SFI1: variants seen among roughly 807,000 people sequenced by gnomAD.
SFI1 encodes the protein protein SFI1 homolog.
Under a neutral mutation model 207.5 loss-of-function variants are expected in SFI1, and 195 were observed. The observed-to-expected ratio is 0.94, with a 90% CI of 0.84 to 1.06. The LOEUF (loss-of-function observed/expected upper bound fraction) is 1.06. Ranked by LOEUF, SFI1 falls within the 50% of genes least tolerant of loss-of-function variation. The pLI, the probability that SFI1 is intolerant of heterozygous loss-of-function variation, is 0.00. For missense variants in SFI1, 1,634 were observed against 1,588.0 expected (o/e 1.03, Z -0.49); for synonymous variants, 630 against 598.9 (o/e 1.05, Z -0.76).
At chr22:31,574,007 A>C (rs905655333) in intron 9 of SFI1, among the ~76,000 whole-genome samples, 4 of 152,338 alleles carry the variant, frequency 2.6e-5, no homozygotes, top group Admixed American at 2.0e-4. Context: ...ATGCAAATGC[A>C]TGTGATTTTG....
At chr22:31,518,984 C>A (rs976789216) in intron 2 of SFI1, among the ~76,000 whole-genome samples, 2 of 152,106 alleles carry the variant, frequency 1.3e-5, no homozygotes, top group Non-Finnish European at 2.9e-5. Context: ...TGGAAGCTTG[C>A]GCTTGATTTC....
At chr22:31,608,109 A>C (rs935837835) in intron 22 of SFI1, 76 bp downstream of exon 22, 2 of 1,197,264 alleles carry the variant, frequency 1.7e-6, no homozygotes, top group Admixed American at 3.6e-5. Context: ...TGTGGCCCGC[A>C]TAAGTCTGTC....
intron 14 of SFI1, 29 bp from the exon 15 acceptor site, chr22:31,589,418 T>G: frequency 6.4e-7 from 1 of 1,563,454 alleles, no homozygotes; most frequent in African/African-American, 1.4e-5. Flanking sequence ...AAAAGTTAAG[T>G]ACAAAGGTTA....
At chr22:31,606,590 CAT>C (rs2069018048) in intron 21 of SFI1, 160 bp downstream of exon 21, 2 of 548,182 alleles carry the variant, frequency 3.6e-6, no homozygotes, top group South Asian at 4.8e-5. Context: ...CATGTGGGCA[CAT>C]GTTTAGTTTT....
At chr22:31,585,944 C>T (rs569718696) in intron 14 of SFI1, among the ~76,000 whole-genome samples, 1 of 152,236 alleles carries the variant, frequency 6.6e-6, no homozygotes, top group East Asian at 1.9e-4. Context: ...CCACCCTACC[C>T]GTACCTCCAT....
intron 2 of SFI1, among the ~76,000 whole-genome samples, chr22:31,513,762 G>C (rs1339396264): frequency 6.6e-6 from 1 of 151,702 alleles, no homozygotes; most frequent in African/African-American, 2.4e-5. Flanking sequence ...TGAATTTTTA[G>C]TAGAGACAGG....
At chr22:31,612,398 A>AAAAAAAATATATAT (rs1556369798) in intron 24 of SFI1, 2 of 60,194 alleles carry the variant, frequency 3.3e-5, no homozygotes, top group African/African-American at 1.3e-4. Flanking sequence ...AAAAAAAAAA[A>AAAAAAAATATATAT]ATATATATAT....
chr22:31,500,367 A>G (rs2053538656), intron 1 of SFI1, among the ~76,000 whole-genome samples: 1 of 152,044 alleles, frequency 6.6e-6, no homozygotes, highest in Non-Finnish European at 1.5e-5. Flanking sequence ...AGCTATTAAC[A>G]TGGAGGCAAG....
intron 1 of SFI1, among the ~76,000 whole-genome samples, chr22:31,505,233 G>A (rs1230663873): frequency 2.0e-5 from 3 of 152,082 alleles, no homozygotes; most frequent in Admixed American, 2.0e-4. Flanking sequence ...AAGGTCAGGA[G>A]TTTAAGACCA....
intron 2 of SFI1, among the ~76,000 whole-genome samples, chr22:31,517,490 C>T (rs1044226135): frequency 2.4e-4 from 37 of 151,886 alleles, no homozygotes; most frequent in Admixed American, 2.0e-3. Context: ...TCAAGCAATT[C>T]GCCTGCCTTG....
intron 15 of SFI1, among the ~76,000 whole-genome samples, chr22:31,597,212 G>A (rs889235697): frequency 1.3e-5 from 2 of 152,188 alleles, no homozygotes; most frequent in Non-Finnish European, 2.9e-5. Context: ...ATAGCCAAGA[G>A]GAGCCTTTAA....
intron 31 of SFI1, among the ~76,000 whole-genome samples, chr22:31,617,596 A>G (rs544706389): frequency 6.6e-6 from 1 of 152,060 alleles, no homozygotes; most frequent in South Asian, 2.1e-4. Context: ...TGGTGCACGC[A>G]TGTAGTCCCA....
At chr22:31,555,044 T>A (rs1447663073) in intron 6 of SFI1, among the ~76,000 whole-genome samples, 1 of 152,184 alleles carries the variant, frequency 6.6e-6, no homozygotes, top group Non-Finnish European at 1.5e-5. Context: ...TGATTTCAGT[T>A]CCTTTATTTT....
intron 2 of SFI1, among the ~76,000 whole-genome samples, chr22:31,522,620 T>C (rs1359193471): frequency 6.6e-6 from 1 of 152,138 alleles, no homozygotes; most frequent in African/African-American, 2.4e-5. Context: ...CTTATTTCAG[T>C]TAGCATAGTG....
chr22:31,545,345 A>G (rs1032752056), intron 4 of SFI1, among the ~76,000 whole-genome samples: 2 of 151,884 alleles, frequency 1.3e-5, no homozygotes, highest in South Asian at 2.1e-4. Context: ...AACCTGGGCA[A>G]CAAGAGCAAA....
chr22:31,588,822 A>G (rs974370819), intron 14 of SFI1, among the ~76,000 whole-genome samples: 1 of 151,898 alleles, frequency 6.6e-6, no homozygotes, highest in Non-Finnish European at 1.5e-5. Context: ...AAAAAAAAAA[A>G]AACAAAAAAC....
Position 31,580,468 on chromosome 22 carries a change from T to G in SFI1, c.1248+104T>G. 5 of 854,392 alleles carry G rather than the reference T, an allele frequency of 5.9e-6. No homozygotes were observed. The South Asian group carries it at 6.8e-5, about 12-fold the overall frequency. 52.9% of individuals were successfully genotyped at this position (854,392 alleles called of 1,614,324 possible). A position where few individuals can be genotyped will look rare whatever the true frequency, so the allele number is the denominator to read the frequency against. ...AAGCAGAACTCTTTTTAAAAAAACT[T>G]TTTGTGCTTCAAGATTTGTCCAGAC... On this transcript the variant is annotated intron_variant, in intron 12 of 32. Coordinates refer to ENST00000400288, the MANE Select transcript of SFI1 (RefSeq NM_001007467.3).
chr22:31,554,169 G>T (rs1449164586), intron 6 of SFI1, among the ~76,000 whole-genome samples: 2 of 151,820 alleles, frequency 1.3e-5, no homozygotes, highest in Non-Finnish European at 2.9e-5. Context: ...TATCTTAGAT[G>T]TCATCTCTAA....
intron 6 of SFI1, among the ~76,000 whole-genome samples, chr22:31,554,721 C>T (rs1253870435): frequency 6.6e-6 from 1 of 151,766 alleles, no homozygotes; most frequent in African/African-American, 2.4e-5. Context: ...ATTATCTTGC[C>T]TCAGACTACT....
Sources: gnomAD v4.1 joint callset for allele counts (sites outside exome capture counted in the v4.1 genomes callset) on GRCh38, gnomAD v4.1.1 for gene constraint, MANE v1.5 for transcripts, NCBI Gene and HGNC (gene_info 2026-07-23, HGNC 2026-07-21) for gene names.